The following DCLK3 variants were observed in gnomAD, a reference collection of about 807,000 sequenced individuals.
DCLK3 encodes serine/threonine-protein kinase DCLK3.
In DCLK3, 30 loss-of-function variants were observed where a neutral mutation model predicts 46.4. The observed-to-expected ratio is 0.65, with a 90% CI of 0.48 to 0.88. DCLK3 has a LOEUF of 0.88. Among genes scored for constraint, DCLK3 ranks in the 40% least tolerant of loss-of-function variants. DCLK3 has a pLI of 0.00. For missense variants in DCLK3, 846 were observed against 907.1 expected, an observed-to-expected ratio of 0.93 and a Z score of 0.87; for synonymous variants, 401 against 339.2, an observed-to-expected ratio of 1.18 and a Z score of -2.00.
chr3:36,737,704 G>A lies in DCLK3; in HGVS notation c.1463C>T (p.Ala488Val), dbSNP rs557335205. Residue 488 changes from alanine to valine, a missense_variant, in exon 2 of 5, where the codon GCA (alanine) becomes GTA (valine). By Grantham distance (64) the Ala-to-Val change is moderately conservative. Around this residue, in one of 3 missense-constraint regions of DCLK3, gnomAD observed 553 missense variants for 543.0 expected, o/e 1.02. Coordinates refer to ENST00000636136, the MANE Select transcript of DCLK3 (RefSeq NM_001394672.2). The surrounding 1 kb of genome is among the most constrained non-coding windows in gnomAD (Gnocchi z 4.4). ...RRMTLRDDQP[A>V]KLEKEPKTRP... ...CGTCTTGGGCTCCTTTTCTAGCTTT[G>A]CAGGTTGGTCATCTCTGAGAGTCAT... is the stretch of plus-strand genomic sequence containing the variant. 36 of 1,613,744 alleles carry A rather than the reference G, an allele frequency of 2.2e-5. 1 individual carries two copies. The South Asian group carries it at 3.7e-4, about 17-fold the overall frequency.
At chr3:36,761,412 C>A (rs1701538089) in intron 1 of DCLK3, among the ~76,000 whole-genome samples, 1 of 152,114 alleles carries the variant, frequency 6.6e-6, no homozygotes, top group Non-Finnish European at 1.5e-5. Context: ...GAGGATGGAG[C>A]CAAACTCCCC....
chr3:36,725,276 C>A (rs1174252065), intron 2 of DCLK3, among the ~76,000 whole-genome samples: 1 of 149,784 alleles, frequency 6.7e-6, no homozygotes, highest in Non-Finnish European at 1.5e-5. Flanking sequence ...CGCGCCACTG[C>A]ACTCCAGCCT....
At chr3:36,739,610 G>A (rs1026822907) in intron 1 of DCLK3, among the ~76,000 whole-genome samples, 1 of 152,126 alleles carries the variant, frequency 6.6e-6, no homozygotes. Context: ...CTTGCCTTCC[G>A]CCATGATTGT....
chr3:36,759,711 C>T (rs1701521481), intron 1 of DCLK3, among the ~76,000 whole-genome samples: 1 of 152,170 alleles, frequency 6.6e-6, no homozygotes, highest in South Asian at 2.1e-4. Flanking sequence ...TTTGCACATG[C>T]TGTTCCTCAG....
At chr3:36,719,813 G>C (rs1316715731) in intron 3 of DCLK3, among the ~76,000 whole-genome samples, 1 of 152,216 alleles carries the variant, frequency 6.6e-6, no homozygotes, top group Non-Finnish European at 1.5e-5. Flanking sequence ...TCTCCCAAAA[G>C]AGCTATCCTT....
At chr3:36,736,837 G>C (rs1701268713) in intron 2 of DCLK3, among the ~76,000 whole-genome samples, 1 of 152,174 alleles carries the variant, frequency 6.6e-6, no homozygotes, top group South Asian at 2.1e-4. Flanking sequence ...GCATCTCAGT[G>C]GGAGGGTGGA....
intron 4 of DCLK3, 30 bp from the exon 5 acceptor site, chr3:36,715,551 A>G: frequency 6.6e-7 from 1 of 1,513,744 alleles, no homozygotes; most frequent in East Asian, 2.3e-5. Context: ...GGAAAATGTG[A>G]TGAATGCAGG....
chr3:36,731,170 G>C (rs1032041965), intron 2 of DCLK3, among the ~76,000 whole-genome samples: 2 of 152,046 alleles, frequency 1.3e-5, no homozygotes, highest in African/African-American at 4.8e-5. Flanking sequence ...TGAAGGAATG[G>C]ACTTTGGACT....
rs1044948436 is a variant in DCLK3, at chr3:36,713,049, T to C, written c.*2279A>G. ...TCCCATTTTATACTCCCAGCAGCAATGTACGGGAAGTTCCAGTCACTCTGC... is the reference window on the plus strand; with the variant it reads ...TCCCATTTTATACTCCCAGCAGCAACGTACGGGAAGTTCCAGTCACTCTGC... On this transcript the variant is annotated 3_prime_UTR_variant, in exon 5 of 5. Transcript: ENST00000636136. 1 of 152,234 alleles carries C rather than the reference T, an allele frequency of 6.6e-6. No individual in the cohort carries two copies. The highest frequency in any genetic ancestry group is 6.5e-5 in the Admixed American group (1 of 15,288). The allele number at this position is 152,234 out of a possible 1,614,324, so 9.4% of individuals were successfully genotyped here.
At chr3:36,731,984 A>T (rs898520267) in intron 2 of DCLK3, among the ~76,000 whole-genome samples, 3 of 152,228 alleles carry the variant, frequency 2.0e-5, no homozygotes, top group African/African-American at 7.2e-5. Context: ...TAAGAAAGTT[A>T]ATCTTAGACC....
chr3:36,759,931 C>T (rs1234655330), intron 1 of DCLK3, among the ~76,000 whole-genome samples: 1 of 152,210 alleles, frequency 6.6e-6, no homozygotes, highest in Non-Finnish European at 1.5e-5. Context: ...CACCTCCTCA[C>T]CCACTCCCCG....
At chr3:36,747,044 A>G (rs1378151478) in intron 1 of DCLK3, among the ~76,000 whole-genome samples, 1 of 152,328 alleles carries the variant, frequency 6.6e-6, no homozygotes, top group African/African-American at 2.4e-5. Context: ...TAAAGTTAAT[A>G]AGTAATTTGT....
intron 1 of DCLK3, among the ~76,000 whole-genome samples, chr3:36,763,306 C>A (rs2125541386): frequency 6.6e-6 from 1 of 152,326 alleles, no homozygotes; most frequent in Non-Finnish European, 1.5e-5. Context: ...GAGTTCCCTC[C>A]ACAACTTCTC....
chr3:36,758,083 C>T (rs184488858), intron 1 of DCLK3, among the ~76,000 whole-genome samples: 8 of 152,304 alleles, frequency 5.3e-5, no homozygotes, highest in African/African-American at 1.9e-4. Flanking sequence ...AACCATAAAG[C>T]TGGTCATCTA....
chr3:36,737,987 C>T lies in DCLK3; in HGVS notation c.1180G>A (p.Glu394Lys). The change falls in exon 2 of 5, where the codon GAG (glutamate) becomes AAG (lysine). Residue 394 changes from glutamate to lysine, a missense_variant. This residue lies in a region of DCLK3 where 553 missense variants were observed against 543.0 expected (regional missense o/e 1.02). Transcript: ENST00000636136. This position sits in a 1 kb window ranked among gnomAD's most constrained non-coding sequence, Gnocchi z 4.4. ...TCTTGATCCTCTGGGCCTCTGTCCT[C>T]TTTCTTGTCCATGCTCTTGCTGGGT... ...RRPSKSMDKK[E>K]DRGPEDQESH... 1.9e-6 allele frequency: 3 copies of T among 1,614,184 alleles called. No individual in the cohort carries two copies. Among genetic ancestry groups the T allele is most frequent in the Non-Finnish European group, 2.5e-6 (3 of 1,180,030 alleles).
At chr3:36,727,387 C>T (rs1002999936) in intron 2 of DCLK3, among the ~76,000 whole-genome samples, 29 of 152,326 alleles carry the variant, frequency 1.9e-4, no homozygotes, top group Middle Eastern at 6.8e-3. Context: ...ACATTACCTT[C>T]CTCATGGAAG....
At chr3:36,763,796 T>C (rs1431907475) in intron 1 of DCLK3, among the ~76,000 whole-genome samples, 1 of 152,034 alleles carries the variant, frequency 6.6e-6, no homozygotes, top group African/African-American at 2.4e-5. Context: ...GCATGTTGAG[T>C]TGCACAATAA....
chr3:36,737,347 TCTC>T lies in DCLK3; in HGVS notation c.1817_1819del (p.Gly606del). On this transcript the variant is annotated inframe_deletion, in exon 2 of 5. Transcript: ENST00000636136. This position sits in a 1 kb window ranked among gnomAD's most constrained non-coding sequence, Gnocchi z 4.4. ...ACTTTCTATGATGGCGTCAAAAAGGTCTCCTCCCTGCACGTACTCCAGGATCAG... is the reference window on the plus strand; with the variant it reads ...ACTTTCTATGATGGCGTCAAAAAGGTCTCCCTGCACGTACTCCAGGATCAG... The T allele has an allele frequency of 6.2e-7, 1 of 1,614,028 alleles. No individual in the cohort carries two copies. Among genetic ancestry groups the T allele is most frequent in the Middle Eastern group, 1.6e-4 (1 of 6,062 alleles).
In DCLK3 at chr3:36,714,173, C is replaced by T. The variant is rs1001315061; in HGVS notation, c.*1155G>A. 9 of 152,208 alleles carry T rather than the reference C, an allele frequency of 5.9e-5. No individual in the cohort carries two copies. Among genetic ancestry groups the T allele is most frequent in the African/African-American group, 1.7e-4 (7 of 41,446 alleles). The allele number at this position is 152,208 out of a possible 1,614,324, so 9.4% of individuals were successfully genotyped here. On this transcript the variant is annotated 3_prime_UTR_variant, in exon 5 of 5. Coordinates refer to ENST00000636136, the MANE Select transcript of DCLK3 (RefSeq NM_001394672.2). ...TTTGTGCTTCTTCCATTTTCCAAAACCTGATTAAGCAATTCCTTATGTTGA... is the reference window on the plus strand; with the variant it reads ...TTTGTGCTTCTTCCATTTTCCAAAATCTGATTAAGCAATTCCTTATGTTGA...
Sources: allele counts gnomAD v4.1 joint callset (sites outside exome capture counted in the v4.1 genomes callset), GRCh38; gene constraint gnomAD v4.1.1; regional missense constraint gnomAD v4.1.1; non-coding constraint Gnocchi (gnomAD v3.1); transcripts MANE v1.5; gene names NCBI Gene and HGNC (gene_info 2026-07-23, HGNC 2026-07-21).